Variants in CEP85L observed in about 807,000 individuals in gnomAD.
CEP85L encodes centrosomal protein 85L.
A neutral mutation model predicts 100.3 loss-of-function variants in CEP85L; 60 were observed. That is an observed-to-expected ratio of 0.60 (90% confidence interval 0.49 to 0.74). CEP85L has a LOEUF of 0.74. Among genes scored for constraint, CEP85L ranks in the 30% least tolerant of loss-of-function variants. The pLI is 0.00. For synonymous variants in CEP85L, 319 were observed against 322.7 expected, an observed-to-expected ratio of 0.99 and a Z score of 0.12; for missense variants, 973 against 936.2, an observed-to-expected ratio of 1.04 and a Z score of -0.51.
chr6:118,696,352 G>A (rs1415826079), intron 1 of CEP85L, among the ~76,000 whole-genome samples: 2 of 152,280 alleles, frequency 1.3e-5, no homozygotes, highest in African/African-American at 2.4e-5. Context: ...AGTACAGTAA[G>A]GATGAATTTC....
intron 6 of CEP85L, among the ~76,000 whole-genome samples, chr6:118,490,627 CAA>C (rs1774492659): frequency 2.0e-5 from 3 of 152,018 alleles, no homozygotes; most frequent in Admixed American, 2.0e-4. Context: ...CACACATAGA[CAA>C]AAAATCTTGT....
At chr6:118,476,812 G>C (rs573802453) in intron 10 of CEP85L, among the ~76,000 whole-genome samples, 25 of 152,130 alleles carry the variant, frequency 1.6e-4, no homozygotes, top group Non-Finnish European at 8.8e-5. Context: ...TCTATTGATG[G>C]CTGTCAATTC....
At chr6:118,607,263 T>C (rs1488481864) in intron 2 of CEP85L, among the ~76,000 whole-genome samples, 2 of 151,930 alleles carry the variant, frequency 1.3e-5, no homozygotes, top group African/African-American at 2.4e-5. Context: ...CCCTGAGTAA[T>C]AGAAAAGATA....
At chr6:118,654,218 T>C (rs180863106), upstream of CEP85L, among the ~76,000 whole-genome samples, 1 of 152,128 alleles carries the variant, frequency 6.6e-6, no homozygotes, top group African/African-American at 2.4e-5. Flanking sequence ...TTGGAGGCTG[T>C]AGTGAGCTGT....
rs1385396775 is a variant in CEP85L at position 118,567,237 on chromosome 6, GTGTGTGTGTGTGTA to G, written c.233-935_233-922del. Among the ~76,000 whole-genome samples the G allele has an allele frequency of 6.8e-3, 587 of 86,724 alleles. 3 individuals are homozygous for G. The highest frequency in any genetic ancestry group is 0.03 in the East Asian group (72 of 2,400). The allele number at this position is 86,724 out of a possible 152,430, so 56.9% of individuals were successfully genotyped here. Reference sequence around the variant, plus strand: ...TGTGTGTGTGTGTGTGTGTGTGTGTGTGTGTGTGTGTGTATATATATATATATATATATATATAT... The same window carrying G: ...TGTGTGTGTGTGTGTGTGTGTGTGTGTATATATATATATATATATATATAT... On this transcript the variant is annotated intron_variant, in intron 2 of 12. Coordinates refer to ENST00000368491, the MANE Select transcript of CEP85L (RefSeq NM_001042475.3).
At chr6:118,467,800 C>T (rs1772642275) in intron 12 of CEP85L, among the ~76,000 whole-genome samples, 1 of 152,204 alleles carries the variant, frequency 6.6e-6, no homozygotes, top group Non-Finnish European at 1.5e-5. Flanking sequence ...GTTCACCAGG[C>T]AAACTTCTCC....
At chr6:118,544,383 C>T (rs1778079326) in intron 3 of CEP85L, among the ~76,000 whole-genome samples, 1 of 152,148 alleles carries the variant, frequency 6.6e-6, no homozygotes, top group African/African-American at 2.4e-5. Context: ...TATTATTACA[C>T]GTGCTCATTT....
At chr6:118,555,051 C>T (rs1035059932) in intron 3 of CEP85L, among the ~76,000 whole-genome samples, 6 of 152,164 alleles carry the variant, frequency 3.9e-5, no homozygotes, top group South Asian at 2.1e-4. Flanking sequence ...AGCCCAAAAA[C>T]CTCACAAAAC....
chr6:118,594,017 C>T (rs1781331458), intron 2 of CEP85L, among the ~76,000 whole-genome samples: 1 of 152,160 alleles, frequency 6.6e-6, no homozygotes, highest in Non-Finnish European at 1.5e-5. Context: ...ATCCCCTGGA[C>T]TTCTGTATGT....
chr6:118,603,186 G>C (rs187068415), intron 2 of CEP85L, among the ~76,000 whole-genome samples: 83 of 151,818 alleles, frequency 5.5e-4, no homozygotes, highest in African/African-American at 1.9e-3. Context: ...TATGAATTGG[G>C]TAAATTCCTC....
intron 5 of CEP85L, among the ~76,000 whole-genome samples, chr6:118,505,499 A>G (rs1379960805): frequency 6.6e-6 from 1 of 151,416 alleles, no homozygotes; most frequent in African/African-American, 2.4e-5. Context: ...CCACTGGAAA[A>G]TCATGCACTA....
At chr6:118,536,383 T>C (rs574739011) in intron 3 of CEP85L, among the ~76,000 whole-genome samples, 2 of 152,246 alleles carry the variant, frequency 1.3e-5, no homozygotes, top group South Asian at 4.2e-4. Flanking sequence ...GTGGTGATTA[T>C]AAGGGGAGAT....
At chr6:118,586,453 T>C (rs981123409) in intron 2 of CEP85L, among the ~76,000 whole-genome samples, 31 of 152,088 alleles carry the variant, frequency 2.0e-4, no homozygotes, top group Non-Finnish European at 1.0e-4. Flanking sequence ...GATTTGGTAC[T>C]GGTAAAGGAT....
chr6:118,607,148 T>C (rs999642245), intron 2 of CEP85L, among the ~76,000 whole-genome samples: 4 of 152,086 alleles, frequency 2.6e-5, no homozygotes, highest in African/African-American at 7.2e-5. Context: ...TAGCACCCAA[T>C]ATCAAACTGG....
At chr6:118,670,289 C>T (rs1048429192) in intron 1 of CEP85L, among the ~76,000 whole-genome samples, 1 of 150,652 alleles carries the variant, frequency 6.6e-6, no homozygotes, top group Non-Finnish European at 1.5e-5. Context: ...AGATAAACTG[C>T]ATGTCATGGG....
intron 1 of CEP85L, among the ~76,000 whole-genome samples, chr6:118,680,950 G>A (rs187246231): frequency 6.6e-6 from 1 of 151,926 alleles, no homozygotes; most frequent in Non-Finnish European, 1.5e-5. Flanking sequence ...CTGACAACGA[G>A]GAGGAGTTTA....
intron 1 of CEP85L, among the ~76,000 whole-genome samples, chr6:118,702,451 G>A (rs574177126): frequency 6.6e-6 from 1 of 152,172 alleles, no homozygotes; most frequent in South Asian, 2.1e-4. Flanking sequence ...GGTCAAGGAT[G>A]CAATGAGCTG....
chr6:118,516,743 T>C (rs983982886), intron 4 of CEP85L, among the ~76,000 whole-genome samples: 1 of 152,218 alleles, frequency 6.6e-6, no homozygotes, highest in Admixed American at 6.5e-5. Context: ...AGAAGCTCTT[T>C]AGTTTAATTA....
chr6:118,469,394 A>G, intron 11 of CEP85L, 91 bp from the exon 12 acceptor site: 2 of 956,816 alleles, frequency 2.1e-6, no homozygotes, highest in South Asian at 1.5e-5. Flanking sequence ...CCAAGTCTAT[A>G]AACAAAACGA....
Sources: allele counts gnomAD v4.1 joint callset (sites outside exome capture counted in the v4.1 genomes callset), GRCh38; gene constraint gnomAD v4.1.1; transcripts MANE v1.5; gene names NCBI Gene and HGNC (gene_info 2026-07-23, HGNC 2026-07-21).